Variants in DIP2A observed in about 807,000 individuals in gnomAD.
The protein encoded by DIP2A is DIP2 acetate--CoA ligase A.
DIP2A carries 85 observed loss-of-function variants against 177.4 expected under a neutral mutation model. The observed-to-expected ratio is 0.48, with a 90% confidence interval of 0.40 to 0.57. The LOEUF is 0.57. Ranked by LOEUF, DIP2A falls within the 20% of genes least tolerant of loss-of-function variation. The probability of loss-of-function intolerance (pLI) is 0.00; values close to 1 mark genes in which losing one functional copy is unlikely to be tolerated. For missense variants in DIP2A, 1,791 were observed against 2,100.2 expected (o/e 0.85, Z 2.88); for synonymous variants, 886 against 881.8 (o/e 1.00, Z -0.08).
chr21:46,511,471 TGA>T lies in DIP2A; in HGVS notation c.963_964del (p.Glu323AlafsTer46). On this transcript the variant is annotated frameshift_variant, in exon 8 of 38. Transcript: ENST00000417564. LOFTEE classifies it high-confidence loss of function. ...CCTGAGGGAAGCGAGACGAGTGTGC[TGA>T]GAGGGGAGCCTCTCACTGCAGGTGT... is the stretch of plus-strand genomic sequence containing the variant. 6.2e-7 allele frequency: 1 copy of T among 1,613,346 alleles called. No individual in the cohort carries two copies. Among genetic ancestry groups the T allele is most frequent in the South Asian group, 1.1e-5 (1 of 90,898 alleles).
At chr21:46,461,350 GACAA>G (rs2054297186) in intron 1 of DIP2A, among the ~76,000 whole-genome samples, 1 of 149,510 alleles carries the variant, frequency 6.7e-6, no homozygotes, top group South Asian at 2.1e-4. Context: ...TAGGCAGTCT[GACAA>G]ACTTAAATTA....
intron 22 of DIP2A, 54 bp downstream of exon 22, chr21:46,549,939 C>G (rs747188894): frequency 1.3e-6 from 2 of 1,599,150 alleles, no homozygotes; most frequent in Non-Finnish European, 1.7e-6. Flanking sequence ...CTGGCACCCC[C>G]ACTCCACTCC....
At chr21:46,538,840 C>T (rs2059681976) in intron 16 of DIP2A, 2 of 522,360 alleles carry the variant, frequency 3.8e-6, no homozygotes, top group African/African-American at 3.9e-5. Context: ...AGGTACATGC[C>T]TTAATGAGAG....
chr21:46,549,717 C>T (rs1428053693), intron 21 of DIP2A, 54 bp from the exon 22 acceptor site: 2 of 1,604,832 alleles, frequency 1.2e-6, no homozygotes, highest in African/African-American at 1.3e-5. Flanking sequence ...GAGAATGCAT[C>T]TGTGTCTTGT....
chr21:46,511,015 T>C (rs1201547438), intron 7 of DIP2A, among the ~76,000 whole-genome samples: 2 of 152,186 alleles, frequency 1.3e-5, no homozygotes, highest in East Asian at 3.9e-4. Context: ...GTGGTTCTGC[T>C]TGCTTTCCTC....
intron 17 of DIP2A, among the ~76,000 whole-genome samples, chr21:46,541,015 CAAAAAAAAA>C (rs532906368): frequency 1.4e-5 from 1 of 71,914 alleles, no homozygotes; most frequent in Non-Finnish European, 3.1e-5. Flanking sequence ...AACTCTGTGT[CAAAAAAAAA>C]AAAAAAAAAA....
At chr21:46,561,873 G>A in intron 34 of DIP2A, 68 bp downstream of exon 34, 1 of 1,601,264 alleles carries the variant, frequency 6.2e-7, no homozygotes, top group East Asian at 2.2e-5. Flanking sequence ...ATCACCCCGT[G>A]GAGGGTGCTG....
rs1434468754 is a variant in DIP2A at position 46,550,890 on chromosome 21, C to T, written c.2839+146C>T. Reference sequence around the variant, plus strand: ...TCAAGAGCCAGAGCGAGTGTGCACCCCAGAATGGTGCCACCTCCCGCCTTC... The same window carrying T: ...TCAAGAGCCAGAGCGAGTGTGCACCTCAGAATGGTGCCACCTCCCGCCTTC... On this transcript the variant is annotated intron_variant, in intron 23 of 37. Coordinates refer to ENST00000417564, the MANE Select transcript of DIP2A (RefSeq NM_015151.4). 4.8e-6 allele frequency: 4 copies of T among 833,434 alleles called. No individual in the cohort carries two copies. In the African/African-American group the frequency reaches 5.1e-5, roughly 11 times the overall value. 51.6% of individuals were successfully genotyped at this position (833,434 alleles called of 1,614,324 possible).
chr21:46,462,590 C>T (rs1278775036), intron 1 of DIP2A: 1 of 152,164 alleles, frequency 6.6e-6, no homozygotes, highest in Non-Finnish European at 1.5e-5. Context: ...AAACAACCAA[C>T]ATTAGTGTTT....
At chr21:46,548,174 A>ATGTGTGTGTGTG (rs1360982466) in intron 21 of DIP2A, among the ~76,000 whole-genome samples, 1 of 144,486 alleles carries the variant, frequency 6.9e-6, no homozygotes, top group African/African-American at 2.7e-5. Context: ...GTGCTCATGC[A>ATGTGTGTGTGTG]TGTGTGCGTG....
intron 21 of DIP2A, among the ~76,000 whole-genome samples, chr21:46,547,893 C>A (rs540111201): frequency 1.3e-5 from 2 of 152,164 alleles, no homozygotes; most frequent in South Asian, 4.2e-4. Context: ...TGCTCTCGAA[C>A]TCCTGGGCTC....
Position 46,554,184 on chromosome 21 carries a change from A to G in DIP2A, c.3046A>G (p.Thr1016Ala), listed in dbSNP as rs1414918097. 1 of 1,613,610 alleles carries G rather than the reference A, an allele frequency of 6.2e-7. No homozygotes were observed. The highest frequency in any genetic ancestry group is 1.3e-5 in the African/African-American group (1 of 74,912). Residue 1016 changes from threonine (T) to alanine (A), a missense_variant, in exon 26 of 38, where the codon ACT becomes GCT. By Grantham distance (58) the Thr-to-Ala change is moderately conservative. Transcript: ENST00000417564. Reference sequence around the variant, plus strand: ...GCTTTCCTAGGGCACCGTCACAAGCACTGCAACCTGTGTCCAGCTGCACAA... The same window carrying G: ...GCTTTCCTAGGGCACCGTCACAAGCGCTGCAACCTGTGTCCAGCTGCACAA... ...LLNAKGTVTS[T>A]ATCVQLHKRA...
intron 34 of DIP2A, among the ~76,000 whole-genome samples, chr21:46,562,081 C>T (rs2060684607): frequency 6.6e-6 from 1 of 152,218 alleles, no homozygotes. Flanking sequence ...GGTGGCAGGC[C>T]TCAGGCCTCT....
chr21:46,565,174 TATG>T (rs2148921443), intron 35 of DIP2A, among the ~76,000 whole-genome samples: 1 of 151,736 alleles, frequency 6.6e-6, no homozygotes, highest in East Asian at 1.9e-4. Flanking sequence ...CGTGTGTAGA[TATG>T]AGGGTGCACA....
In DIP2A at chr21:46,519,855, A is replaced by ATTTTTT. The variant is rs59574579; in HGVS notation, c.1102+8273_1102+8278dup. Among the ~76,000 whole-genome samples, 13 of 53,018 alleles carry ATTTTTT rather than the reference A, an allele frequency of 2.5e-4. 3 individuals carry two copies. Among genetic ancestry groups the ATTTTTT allele is most frequent in the African/African-American group, 6.1e-4 (7 of 11,478 alleles). 34.8% of individuals were successfully genotyped at this position (53,018 alleles called of 152,430 possible). On this transcript the variant is annotated intron_variant, in intron 8 of 37. Coordinates refer to ENST00000417564, the MANE Select transcript of DIP2A (RefSeq NM_015151.4). ...GCCCAGAATTAGAATATTGATCTAG[A>ATTTTTT]TTTTTTTTTTTTTTTTTTTTTTTTT... is the stretch of plus-strand genomic sequence containing the variant.
chr21:46,526,556 G>A (rs1360552894), intron 8 of DIP2A, among the ~76,000 whole-genome samples: 2 of 151,954 alleles, frequency 1.3e-5, no homozygotes, highest in South Asian at 4.2e-4. Context: ...CTCCATGTCC[G>A]CCTGATTTTT....
intron 5 of DIP2A, among the ~76,000 whole-genome samples, chr21:46,503,442 T>G (rs1236587501): frequency 2.0e-5 from 3 of 152,146 alleles, no homozygotes; most frequent in Non-Finnish European, 2.9e-5. Flanking sequence ...TGCAAAGGTT[T>G]GGTGTCCAAC....
chr21:46,540,096 T>C, intron 17 of DIP2A, 105 bp downstream of exon 17: 1 of 960,784 alleles, frequency 1.0e-6, no homozygotes, highest in Non-Finnish European at 1.6e-6. Context: ...CCAGGCCCAT[T>C]TGTGCAGTAG....
At chr21:46,546,071 T>C (rs999382340) in intron 20 of DIP2A, 110 bp downstream of exon 20, 2 of 1,577,668 alleles carry the variant, frequency 1.3e-6, no homozygotes, top group South Asian at 1.1e-5. Context: ...TGACCTCCCA[T>C]GTGGCCTTGG....
Sources: allele counts gnomAD v4.1 joint callset (sites outside exome capture counted in the v4.1 genomes callset), GRCh38; gene constraint gnomAD v4.1.1; transcripts MANE v1.5; gene names NCBI Gene and HGNC (gene_info 2026-07-23, HGNC 2026-07-21).